Variants in METTL25 observed in about 807,000 individuals in gnomAD.
METTL25 encodes the protein methyltransferase like 25, also known as probable methyltransferase-like protein 25.
A neutral mutation model predicts 71.6 loss-of-function variants in METTL25; 64 were observed. That is an observed-to-expected ratio of 0.89 (90% CI 0.73 to 1.10). The LOEUF is 1.10. Among genes scored for constraint, METTL25 ranks in the 50% least tolerant of loss-of-function variants. The pLI, the probability that METTL25 is intolerant of heterozygous loss-of-function variation, is 0.00. For missense variants in METTL25, 807 were observed against 707.0 expected, an observed-to-expected ratio of 1.14 and a Z score of -1.60; for synonymous variants, 287 against 250.3, an observed-to-expected ratio of 1.15 and a Z score of -1.38.
chr12:82,438,196 A>G (rs1358291180), intron 7 of METTL25, among the ~76,000 whole-genome samples: 1 of 151,636 alleles, frequency 6.6e-6, no homozygotes, highest in East Asian at 1.9e-4. Flanking sequence ...CCAAGGCTCT[A>G]CTTTTCAACT....
chr12:82,383,699 T>C (rs570897565), intron 1 of METTL25, among the ~76,000 whole-genome samples: 65 of 152,290 alleles, frequency 4.3e-4, no homozygotes, highest in African/African-American at 1.5e-3. Context: ...CATTTATTTT[T>C]ATTTACTAAT....
At chr12:82,473,749 G>T (rs1163486835) in intron 9 of METTL25, among the ~76,000 whole-genome samples, 1 of 152,110 alleles carries the variant, frequency 6.6e-6, no homozygotes, top group Non-Finnish European at 1.5e-5. Context: ...CAGCAATTTT[G>T]CCAGTTCAAG....
intron 5 of METTL25, among the ~76,000 whole-genome samples, chr12:82,410,590 A>G (rs750666385): frequency 6.6e-6 from 1 of 152,108 alleles, no homozygotes; most frequent in Non-Finnish European, 1.5e-5. Context: ...AAATTAGAAC[A>G]CGTATTTTTT....
Position 82,457,885 on chromosome 12 carries a change from G to T in METTL25, c.1572+1065G>T, listed in dbSNP as rs910039260. 3.5e-4 allele frequency among the ~76,000 whole-genome samples: 53 copies of T among 151,846 alleles called. 1 individual carries two copies. Among genetic ancestry groups the T allele is most frequent in the South Asian group, 2.1e-4 (1 of 4,824 alleles). Reference sequence around the variant, plus strand: ...TATTTATTTCTGGATTATTTTCTAGGTTATTTTAAAAAAAATGTTTTTCAT... The same window carrying T: ...TATTTATTTCTGGATTATTTTCTAGTTTATTTTAAAAAAAATGTTTTTCAT... On this transcript the variant is annotated intron_variant, in intron 9 of 11. Transcript: ENST00000248306.
At chr12:82,386,252 G>C (rs954719413) in intron 1 of METTL25, among the ~76,000 whole-genome samples, 1 of 152,152 alleles carries the variant, frequency 6.6e-6, no homozygotes, top group Non-Finnish European at 1.5e-5. Flanking sequence ...CTGTTTTGCA[G>C]GGACATTTAT....
chr12:82,361,706 C>A (rs951136650), intron 1 of METTL25, among the ~76,000 whole-genome samples: 2 of 152,200 alleles, frequency 1.3e-5, no homozygotes, highest in Non-Finnish European at 2.9e-5. Flanking sequence ...TGGCCGGCTG[C>A]TCTGAGTGCT....
At position 82,429,946 on chromosome 12, in the gene METTL25, A is replaced by G. The variant is rs183843674; in HGVS notation, c.1280-947A>G. Among the ~76,000 whole-genome samples the G allele has an allele frequency of 2.2e-3, 338 of 151,670 alleles. 1 individual carries two copies. The highest frequency in any genetic ancestry group is 0.01 in the Middle Eastern group (3 of 294). ...CATCTTTCTTAGGCTATGATTGTAA[A>G]AGTTAAACTTGTTCTCTTTTAATCA... On this transcript the variant is annotated intron_variant, in intron 5 of 11. Coordinates refer to ENST00000248306, the MANE Select transcript of METTL25 (RefSeq NM_032230.3).
chr12:82,476,524 T>G (rs955152805), intron 9 of METTL25, 120 bp from the exon 10 acceptor site: 20 of 681,410 alleles, frequency 2.9e-5, no homozygotes, highest in Non-Finnish European at 4.6e-5. Flanking sequence ...TAGAGCGAGT[T>G]CTTCAGACAC....
At chr12:82,382,460 T>C (rs1693017755) in intron 1 of METTL25, among the ~76,000 whole-genome samples, 2 of 152,342 alleles carry the variant, frequency 1.3e-5, no homozygotes, top group Admixed American at 6.5e-5. Flanking sequence ...TGTAGTGGCC[T>C]CAGTGATTGC....
At chr12:82,408,164 T>C (rs1274434874) in intron 5 of METTL25, among the ~76,000 whole-genome samples, 1 of 152,176 alleles carries the variant, frequency 6.6e-6, no homozygotes, top group Non-Finnish European at 1.5e-5. Context: ...GTATGTATTA[T>C]GATTATATAA....
intron 3 of METTL25, among the ~76,000 whole-genome samples, chr12:82,398,130 A>T (rs979131432): frequency 6.6e-6 from 1 of 151,758 alleles, no homozygotes; most frequent in Non-Finnish European, 1.5e-5. Flanking sequence ...TTAGTTTTTT[A>T]TGCAGTGTTT....
At chr12:82,405,505 A>C (rs752293434) in intron 5 of METTL25, among the ~76,000 whole-genome samples, 2 of 152,172 alleles carry the variant, frequency 1.3e-5, no homozygotes, top group Non-Finnish European at 2.9e-5. Flanking sequence ...TACTTAAAAA[A>C]AGTAGCAGAA....
chr12:82,477,962 T>TA (rs1402700546), intron 11 of METTL25, among the ~76,000 whole-genome samples: 1 of 151,886 alleles, frequency 6.6e-6, no homozygotes, highest in African/African-American at 2.4e-5. Flanking sequence ...TATAAACTCT[T>TA]TAACAGTTTT....
At chr12:82,379,316 GAAAT>G (rs1351263009) in intron 1 of METTL25, among the ~76,000 whole-genome samples, 2 of 152,068 alleles carry the variant, frequency 1.3e-5, no homozygotes, top group Non-Finnish European at 2.9e-5. Context: ...TTACTGCACT[GAAAT>G]AAATATATTT....
chr12:82,385,526 G>A (rs1340162971), intron 1 of METTL25, among the ~76,000 whole-genome samples: 1 of 152,040 alleles, frequency 6.6e-6, no homozygotes, highest in Non-Finnish European at 1.5e-5. Context: ...TTCAATGAAT[G>A]GGCCTGATTG....
At chr12:82,454,206 T>C (rs1455245014) in intron 8 of METTL25, among the ~76,000 whole-genome samples, 2 of 152,018 alleles carry the variant, frequency 1.3e-5, no homozygotes, top group African/African-American at 4.8e-5. Flanking sequence ...AGAGAGTATG[T>C]GAAGGAAAAG....
chr12:82,421,013 C>T (rs1888434113), intron 5 of METTL25, among the ~76,000 whole-genome samples: 1 of 152,144 alleles, frequency 6.6e-6, no homozygotes, highest in African/African-American at 2.4e-5. Context: ...AGGTGCCCAT[C>T]ACCATGCCTG....
chr12:82,369,303 T>C (rs1429456621), intron 1 of METTL25: 1 of 218,950 alleles, frequency 4.6e-6, no homozygotes, highest in Non-Finnish European at 9.4e-6. Flanking sequence ...CTCTCCAGTG[T>C]GTCCTGGTGT....
At chr12:82,456,967 C>T (rs539298790) in intron 9 of METTL25, 147 bp downstream of exon 9, 17 of 400,452 alleles carry the variant, frequency 4.2e-5, no homozygotes, top group Non-Finnish European at 6.6e-5. Context: ...CCTCCATCAT[C>T]TTTTTTCCAG....
Sources: allele counts gnomAD v4.1 joint callset (sites outside exome capture counted in the v4.1 genomes callset), GRCh38; gene constraint gnomAD v4.1.1; transcripts MANE v1.5; gene names NCBI Gene and HGNC (gene_info 2026-07-23, HGNC 2026-07-21).